The following MYOF variants were observed in gnomAD, a reference collection of about 807,000 sequenced individuals.
MYOF encodes myoferlin.
Under a neutral mutation model 284.2 loss-of-function variants are expected in MYOF, and 244 were observed. The observed-to-expected ratio is 0.86, with a 90% confidence interval of 0.77 to 0.95. MYOF has a LOEUF of 0.95. Among genes scored for constraint, MYOF ranks in the 40% least tolerant of loss-of-function variants. MYOF has a pLI of 0.00. For missense variants in MYOF, 2,496 were observed against 2,560.6 expected, an observed-to-expected ratio of 0.97 and a Z score of 0.54; for synonymous variants, 904 against 919.7, an observed-to-expected ratio of 0.98 and a Z score of 0.31.
intron 5 of MYOF, among the ~76,000 whole-genome samples, chr10:93,410,465 T>A (rs961965235): frequency 5.3e-5 from 8 of 152,156 alleles, no homozygotes; most frequent in Non-Finnish European, 1.2e-4. Flanking sequence ...ACCTCCTGAT[T>A]ATTTTCAGGC....
In MYOF at chr10:93,422,604, C is replaced by G. The variant is rs556074158; in HGVS notation, c.433+3467G>C. Among the ~76,000 whole-genome samples, 8 of 152,230 alleles carry G rather than the reference C, an allele frequency of 5.3e-5. No individual in the cohort carries two copies. In the South Asian group the frequency reaches 1.7e-3, roughly 32 times the overall value. On this transcript the variant is annotated intron_variant, in intron 5 of 53. Transcript: ENST00000359263. ...CTGAAGTCAGGAGTTCGAGACCAGC[C>G]TGGCCAATATGGTGAAACCCCAACT...
intron 43 of MYOF, among the ~76,000 whole-genome samples, chr10:93,331,182 C>G (rs963916657): frequency 6.6e-6 from 1 of 152,152 alleles, no homozygotes; most frequent in African/African-American, 2.4e-5. Context: ...GGATAGGACT[C>G]TGAGTAACGG....
chr10:93,323,068 C>A lies in MYOF; in HGVS notation c.5456+10G>T, dbSNP rs1262633779. The A allele has an allele frequency of 6.2e-7, 1 of 1,611,670 alleles. No homozygotes were observed. The highest frequency in any genetic ancestry group is 1.3e-5 in the African/African-American group (1 of 74,996). On this transcript the variant is annotated intron_variant, in intron 48 of 53. Transcript: ENST00000359263. ...TGAGCTTGGCAAAGTCTCTCACATG[C>A]TAACCTTACCCTTTGACGTAGATGT...
chr10:93,381,490 T>G, intron 19 of MYOF, 94 bp from the exon 20 acceptor site: 1 of 1,271,374 alleles, frequency 7.9e-7, no homozygotes, highest in Admixed American at 2.1e-5. Flanking sequence ...CACCTAATAA[T>G]TAGTGCTGAA....
At chr10:93,336,623 G>C (rs1020139554) in intron 40 of MYOF, among the ~76,000 whole-genome samples, 4 of 152,198 alleles carry the variant, frequency 2.6e-5, no homozygotes, top group Admixed American at 1.3e-4. Flanking sequence ...TTTTCTGTGG[G>C]AATGGGAATG....
chr10:93,456,848 T>A (rs1474934006), intron 2 of MYOF, 34 bp downstream of exon 2: 3 of 1,491,974 alleles, frequency 2.0e-6, no homozygotes, highest in East Asian at 4.5e-5. Context: ...ATAGCTTATC[T>A]ATTAAAACAA....
chr10:93,445,880 G>A (rs1027793509), intron 3 of MYOF, among the ~76,000 whole-genome samples: 1 of 152,212 alleles, frequency 6.6e-6, no homozygotes, highest in Non-Finnish European at 1.5e-5. Context: ...TCAGGTGAGG[G>A]AAGCGGTCCC....
rs537949491 is a variant in MYOF, at chr10:93,402,542, G to A, written c.875-195C>T. 4.7e-5 allele frequency among the ~76,000 whole-genome samples: 7 copies of A among 148,464 alleles called. No individual in the cohort carries two copies. In the South Asian group the frequency reaches 6.3e-4, roughly 13 times the overall value. On this transcript the variant is annotated intron_variant, in intron 10 of 53. Coordinates refer to ENST00000359263, the MANE Select transcript of MYOF (RefSeq NM_013451.4). Reference sequence around the variant, plus strand: ...ACCCCACCCCCACCATTCTGTCCTCGTGTAACTCAAACAAGACTCTCTAAG... The same window carrying A: ...ACCCCACCCCCACCATTCTGTCCTCATGTAACTCAAACAAGACTCTCTAAG...
chr10:93,480,998 C>G (rs2057374353), intron 1 of MYOF, among the ~76,000 whole-genome samples: 1 of 152,112 alleles, frequency 6.6e-6, no homozygotes, highest in Non-Finnish European at 1.5e-5. Context: ...CTCTGCCTTT[C>G]CCTCTCTTTC....
chr10:93,416,351 T>G (rs945081577), intron 5 of MYOF, among the ~76,000 whole-genome samples: 32 of 151,626 alleles, frequency 2.1e-4, no homozygotes, highest in Non-Finnish European at 4.1e-4. Flanking sequence ...ACCCCTTCTC[T>G]AAAAATAAAA....
chr10:93,332,615 G>A (rs1843368416), intron 43 of MYOF, among the ~76,000 whole-genome samples: 1 of 151,990 alleles, frequency 6.6e-6, no homozygotes, highest in African/African-American at 2.4e-5. Flanking sequence ...GGAGGGCGAG[G>A]CGGGCAGATC....
At chr10:93,341,858 T>C (rs981825810) in intron 38 of MYOF, 7 of 1,186,326 alleles carry the variant, frequency 5.9e-6, no homozygotes, top group South Asian at 3.9e-5. Context: ...TTCAAGTCTT[T>C]AGGCCAAGGT....
At chr10:93,480,343 G>A (rs1266186310) in intron 1 of MYOF, among the ~76,000 whole-genome samples, 4 of 151,750 alleles carry the variant, frequency 2.6e-5, no homozygotes, top group East Asian at 1.9e-4. Context: ...TTGAGCAAGG[G>A]AATTATAACC....
At position 93,462,095 on chromosome 10, in the gene MYOF, C is replaced by CTT. The variant is rs11378680; in HGVS notation, c.89-5160_89-5159dup. Among the ~76,000 whole-genome samples the CTT allele has an allele frequency of 8.2e-3, 1,189 of 145,314 alleles. 11 individuals are homozygous for CTT. The highest frequency in any genetic ancestry group is 0.012 in the Non-Finnish European group (771 of 66,466). On this transcript the variant is annotated intron_variant, in intron 1 of 53. Transcript: ENST00000359263. ...GGCTGGGCATTGCTAAGCCCCCCAC[C>CTT]TTTTTTTTTTTTTGAGTTAGAGTCT...
intron 31 of MYOF, among the ~76,000 whole-genome samples, chr10:93,354,848 C>G (rs113785263): frequency 4.5e-4 from 69 of 152,238 alleles, no homozygotes; most frequent in Non-Finnish European, 8.5e-4. Context: ...TTCTGTATAA[C>G]GGGAACAATA....
intron 1 of MYOF, among the ~76,000 whole-genome samples, chr10:93,478,825 C>CAA (rs796689657): frequency 2.6e-4 from 27 of 103,636 alleles, no homozygotes; most frequent in Non-Finnish European, 4.0e-4. Context: ...GAAACAGTCT[C>CAA]AAAAAAAAAA....
At position 93,376,725 on chromosome 10, in the gene MYOF, C is replaced by T. The variant is rs566498699; in HGVS notation, c.2108+598G>A. On this transcript the variant is annotated intron_variant, in intron 22 of 53. Transcript: ENST00000359263. The stretch of plus-strand genomic sequence containing the variant: ...AAAATGAGTTTGGAACGAATCACTT[C>T]CCCCTTTGATTTCCATATGCTAAAA... Among the ~76,000 whole-genome samples the T allele has an allele frequency of 5.9e-5, 9 of 152,264 alleles. No homozygotes were observed. The South Asian group carries it at 8.3e-4, about 14-fold the overall frequency.
Position 93,426,065 on chromosome 10 carries a change from G to T in MYOF, c.433+6C>A. ...GGTGGCTGGGCCTTCAGAAGGGTCA[G>T]CTTACCTCCCATGCCTGGCACGCTG... On this transcript the variant is annotated splice_donor_region_variant and intron_variant, in intron 5 of 53. Coordinates refer to ENST00000359263, the MANE Select transcript of MYOF (RefSeq NM_013451.4). 6.4e-7 allele frequency: 1 copy of T among 1,552,584 alleles called. No homozygotes were observed. The highest frequency in any genetic ancestry group is 8.7e-7 in the Non-Finnish European group (1 of 1,147,946).
In MYOF at chr10:93,374,913, A is replaced by G; in HGVS notation, c.2151T>C (p.Val717=). ...GCAGCTTTCGGATCTGAGTATCGAG[A>G]ACTGTGACGTTGGCTTTTCCTTCTG... The part of the protein sequence containing the change: ...PLTEGKANVT[V]LDTQIRKLRS... Residue 717 remains valine, a synonymous_variant, in exon 23 of 54, where the codon GTT becomes GTC. Coordinates refer to ENST00000359263, the MANE Select transcript of MYOF (RefSeq NM_013451.4). The G allele has an allele frequency of 1.9e-6, 3 of 1,614,098 alleles. 1 individual carries two copies. The South Asian group carries it at 3.3e-5, about 18-fold the overall frequency.
Sources: allele counts gnomAD v4.1 joint callset (sites outside exome capture counted in the v4.1 genomes callset), GRCh38; gene constraint gnomAD v4.1.1; transcripts MANE v1.5; gene names NCBI Gene and HGNC (gene_info 2026-07-23, HGNC 2026-07-21).